Variants in HS3ST2 observed in about 807,000 individuals in gnomAD.
The protein encoded by HS3ST2 is heparan sulfate glucosamine 3-O-sulfotransferase 2.
Under a neutral mutation model 26.3 loss-of-function variants are expected in HS3ST2, and 17 were observed. That is an observed-to-expected ratio of 0.65 (90% CI 0.44 to 0.97). The LOEUF (loss-of-function observed/expected upper bound fraction) is 0.97, where lower values mean the gene tolerates loss of function less well. Ranked by LOEUF, HS3ST2 falls within the 50% of genes least tolerant of loss-of-function variation. The pLI, the probability that HS3ST2 is intolerant of heterozygous loss-of-function variation, is 0.00. For synonymous variants in HS3ST2, 237 were observed against 219.2 expected (o/e 1.08, Z -0.72); for missense variants, 402 against 501.2 (o/e 0.80, Z 1.89).
chr16:22,815,138 G>T (rs1298239569), intron 1 of HS3ST2, 43 bp downstream of exon 1: 17 of 1,600,478 alleles, frequency 1.1e-5, no homozygotes, highest in African/African-American at 9.5e-5. Context: ...GTCTCTGATC[G>T]CTTCCATTGG....
At chr16:22,881,233 G>A (rs1901986149) in intron 1 of HS3ST2, among the ~76,000 whole-genome samples, 2 of 152,214 alleles carry the variant, frequency 1.3e-5, no homozygotes, top group Admixed American at 1.3e-4. Context: ...ACCTAGGGAT[G>A]CCCCTGACCA....
chr16:22,843,575 G>T (rs933729536), intron 1 of HS3ST2, among the ~76,000 whole-genome samples: 6 of 152,294 alleles, frequency 3.9e-5, no homozygotes, highest in African/African-American at 1.4e-4. Context: ...TTTAAATGAT[G>T]CAAATAAATA....
At chr16:22,815,960 T>C (rs1189783488) in intron 1 of HS3ST2, among the ~76,000 whole-genome samples, 2 of 152,232 alleles carry the variant, frequency 1.3e-5, no homozygotes, top group Non-Finnish European at 2.9e-5. Context: ...GCAAGGGTGC[T>C]AGGGGCAGCC....
At position 22,915,693 on chromosome 16, in the gene HS3ST2, T is replaced by C; in HGVS notation, c.*131T>C. 1 of 1,013,988 alleles carries C rather than the reference T, an allele frequency of 9.9e-7. No individual in the cohort carries two copies. Among genetic ancestry groups the C allele is most frequent in the Non-Finnish European group, 1.4e-6 (1 of 689,692 alleles). The allele number at this position is 1,013,988 out of a possible 1,614,324, so 62.8% of individuals were successfully genotyped here. A position where few individuals can be genotyped will look rare whatever the true frequency, so the allele number is the denominator to read the frequency against. On this transcript the variant is annotated 3_prime_UTR_variant, in exon 2 of 2. Transcript: ENST00000261374. ...CTTTCCCAACTTGAGTTGCATCATCTTGGAACCAGGAAGCCCAGCTAAAGC... is the reference window on the plus strand; with the variant it reads ...CTTTCCCAACTTGAGTTGCATCATCCTGGAACCAGGAAGCCCAGCTAAAGC...
chr16:22,837,551 A>G (rs1901282178), intron 1 of HS3ST2, among the ~76,000 whole-genome samples: 1 of 141,158 alleles, frequency 7.1e-6, no homozygotes, highest in African/African-American at 2.7e-5. Context: ...ATATGTATAT[A>G]TATGTATATA....
intron 1 of HS3ST2, among the ~76,000 whole-genome samples, chr16:22,865,063 A>T (rs909701867): frequency 4.0e-5 from 6 of 150,706 alleles, no homozygotes; most frequent in African/African-American, 1.5e-4. Flanking sequence ...AAAAAAAAAA[A>T]AAAAAAAAGA....
intron 1 of HS3ST2, among the ~76,000 whole-genome samples, chr16:22,905,064 T>A (rs1429887931): frequency 6.6e-6 from 1 of 152,214 alleles, no homozygotes; most frequent in Non-Finnish European, 1.5e-5. Flanking sequence ...CTCCGGAGAC[T>A]GCAATGATTT....
chr16:22,905,533 C>A (rs1296041659), intron 1 of HS3ST2, among the ~76,000 whole-genome samples: 1 of 151,634 alleles, frequency 6.6e-6, no homozygotes, highest in African/African-American at 2.4e-5. Context: ...GACATATCTT[C>A]ACCAGTACAA....
Position 22,915,642 on chromosome 16 carries a change from C to G in HS3ST2, c.*80C>G. 1 of 1,444,932 alleles carries G rather than the reference C, an allele frequency of 6.9e-7. No homozygotes were observed. Among genetic ancestry groups the G allele is most frequent in the East Asian group, 2.3e-5 (1 of 43,838 alleles). 89.5% of individuals were successfully genotyped at this position (1,444,932 alleles called of 1,614,324 possible). On this transcript the variant is annotated 3_prime_UTR_variant, in exon 2 of 2. Transcript: ENST00000261374. ...TTTGCTCCCAGACCCTCTGATCTCC[C>G]TCCAACAAACCCTGGCTCCAGCCCC...
At chr16:22,834,344 A>T (rs765227095) in intron 1 of HS3ST2, among the ~76,000 whole-genome samples, 4 of 152,182 alleles carry the variant, frequency 2.6e-5, no homozygotes, top group Non-Finnish European at 5.9e-5. Context: ...ACTGCTATTC[A>T]TATCAGTACA....
intron 1 of HS3ST2, among the ~76,000 whole-genome samples, chr16:22,852,663 T>C (rs1352276574): frequency 6.6e-6 from 1 of 152,156 alleles, no homozygotes; most frequent in Non-Finnish European, 1.5e-5. Context: ...GTCACATTCA[T>C]TTTGTCTGAA....
rs529522378 is a variant in HS3ST2, at chr16:22,915,169, C to G, written c.711C>G (p.Thr237=). 126 of 1,614,110 alleles carry G rather than the reference C, an allele frequency of 7.8e-5. No homozygotes were observed. The South Asian group carries it at 1.3e-3, about 16-fold the overall frequency. The change falls in exon 2 of 2, where the codon ACC becomes ACG. Residue 237 remains threonine (T), a synonymous_variant. Transcript: ENST00000261374. Reference sequence around the variant, plus strand: ...AGGGCCTCTCCTTCCGCAACCGCACCCTGGGCCTGGTGGACGTGTCATGGA... The same window carrying G: ...AGGGCCTCTCCTTCCGCAACCGCACGCTGGGCCTGGTGGACGTGTCATGGA... ...TFEGLSFRNR[T]LGLVDVSWNA...
At position 22,878,525 on chromosome 16, in the gene HS3ST2, G is replaced by A. The variant is rs1032528683; in HGVS notation, c.486-36419G>A. Reference sequence around the variant, plus strand: ...CAGCTGGGTCTGTGATGCAGGGTTAGTTGGGCTCACTGACCACCCAAAAGC... The same window carrying A: ...CAGCTGGGTCTGTGATGCAGGGTTAATTGGGCTCACTGACCACCCAAAAGC... On this transcript the variant is annotated intron_variant, in intron 1 of 1. Transcript: ENST00000261374. 5.3e-5 allele frequency among the ~76,000 whole-genome samples: 8 copies of A among 152,136 alleles called. 1 individual carries two copies. The highest frequency in any genetic ancestry group is 1.2e-4 in the Non-Finnish European group (8 of 68,032).
At chr16:22,871,387 A>G (rs948880354) in intron 1 of HS3ST2, among the ~76,000 whole-genome samples, 2 of 151,654 alleles carry the variant, frequency 1.3e-5, no homozygotes, top group Non-Finnish European at 2.9e-5. Flanking sequence ...GGGAGACTTT[A>G]TGTTAGATGA....
chr16:22,910,159 A>G lies in HS3ST2; in HGVS notation c.486-4785A>G, dbSNP rs546158489. ...TTGGAGATCACTGGATTTGGTCAGC[A>G]TTTTCCAAACTGGTAACAAAAAGAG... On this transcript the variant is annotated intron_variant, in intron 1 of 1. Transcript: ENST00000261374. Among the ~76,000 whole-genome samples the G allele has an allele frequency of 1.1e-3, 170 of 152,326 alleles. 1 individual carries two copies. In the South Asian group the frequency reaches 0.017, roughly 15 times the overall value.
chr16:22,893,634 C>CTTTTTTTTTTTTTTTTTATTTTTT (rs56664558), intron 1 of HS3ST2, among the ~76,000 whole-genome samples: 1 of 130,268 alleles, frequency 7.7e-6, no homozygotes, highest in Non-Finnish European at 1.6e-5. Flanking sequence ...TTTTTCTTTT[C>CTTTTTTTTTTTTTTTTTATTTTTT]TTTTTTTTTT....
chr16:22,824,556 A>C (rs1269516732), intron 1 of HS3ST2, among the ~76,000 whole-genome samples: 1 of 147,672 alleles, frequency 6.8e-6, no homozygotes, highest in Non-Finnish European at 1.5e-5. Flanking sequence ...AAAAGCAAGC[A>C]AACAAACAAA....
chr16:22,820,127 A>G (rs1478630965), intron 1 of HS3ST2, among the ~76,000 whole-genome samples: 4 of 152,200 alleles, frequency 2.6e-5, no homozygotes, highest in South Asian at 2.1e-4. Flanking sequence ...GGTCCAGGCG[A>G]ACGTCACACA....
At chr16:22,864,728 C>T (rs1901724957) in intron 1 of HS3ST2, among the ~76,000 whole-genome samples, 1 of 151,948 alleles carries the variant, frequency 6.6e-6, no homozygotes, top group Non-Finnish European at 1.5e-5. Flanking sequence ...CATCCAAGTG[C>T]TGCTGTTTTA....
Sources: allele counts gnomAD v4.1 joint callset (sites outside exome capture counted in the v4.1 genomes callset), GRCh38; gene constraint gnomAD v4.1.1; transcripts MANE v1.5; gene names NCBI Gene and HGNC (gene_info 2026-07-23, HGNC 2026-07-21).